Variants in CLSTN2 observed in about 807,000 individuals in gnomAD.
CLSTN2 encodes the protein calsyntenin-2.
CLSTN2 carries 48 observed loss-of-function variants against 101.2 expected under a neutral mutation model. The ratio of observed to expected loss-of-function variants is 0.47; its 90% CI spans 0.38 to 0.60. The LOEUF (loss-of-function observed/expected upper bound fraction) is 0.60. Ranked by LOEUF, CLSTN2 falls within the 20% of genes least tolerant of loss-of-function variation. CLSTN2 has a pLI of 0.00. For missense variants in CLSTN2, 1,160 were observed against 1,238.2 expected (o/e 0.94, Z 0.95); for synonymous variants, 481 against 463.6 (o/e 1.04, Z -0.48).
chr3:140,548,529 A>G (rs1935647040), intron 10 of CLSTN2, among the ~76,000 whole-genome samples: 1 of 152,152 alleles, frequency 6.6e-6, no homozygotes. Flanking sequence ...ATGAGGCCTG[A>G]GTAGAATGTT....
At chr3:140,064,152 A>G (rs954804046) in intron 1 of CLSTN2, among the ~76,000 whole-genome samples, 1 of 152,212 alleles carries the variant, frequency 6.6e-6, no homozygotes, top group African/African-American at 2.4e-5. Flanking sequence ...CATTATAAGG[A>G]TGGCTTCCAG....
At chr3:139,985,535 G>T (rs2012477) in intron 1 of CLSTN2, among the ~76,000 whole-genome samples, 49,850 of 151,938 alleles carry the variant, frequency 0.33, 10,105 homozygotes, top group Non-Finnish European at 0.46. Context: ...CTCTGACATT[G>T]TTTGCAGAAT....
intron 4 of CLSTN2, among the ~76,000 whole-genome samples, chr3:140,410,754 T>C (rs1251000444): frequency 6.6e-6 from 1 of 152,160 alleles, no homozygotes; most frequent in East Asian, 1.9e-4. Flanking sequence ...AAATGACTTG[T>C]TAATGTATGT....
At chr3:140,028,903 C>T (rs181572130) in intron 1 of CLSTN2, among the ~76,000 whole-genome samples, 1 of 152,306 alleles carries the variant, frequency 6.6e-6, no homozygotes, top group Admixed American at 6.5e-5. Context: ...CACACCTCCA[C>T]TGCTGGTGCC....
At chr3:140,014,854 T>G (rs1393782107) in intron 1 of CLSTN2, among the ~76,000 whole-genome samples, 3 of 152,092 alleles carry the variant, frequency 2.0e-5, no homozygotes, top group Non-Finnish European at 4.4e-5. Flanking sequence ...TGGGAGTGAT[T>G]GTAGGATTTT....
chr3:140,080,278 G>A (rs1425669622), intron 1 of CLSTN2, among the ~76,000 whole-genome samples: 1 of 152,154 alleles, frequency 6.6e-6, no homozygotes, highest in Admixed American at 6.5e-5. Context: ...ATTGCAGTGT[G>A]CTTATCTGTT....
chr3:140,227,413 A>C (rs115896370), intron 2 of CLSTN2, among the ~76,000 whole-genome samples: 6,246 of 152,272 alleles, frequency 0.041, 393 homozygotes, highest in African/African-American at 0.14. Flanking sequence ...TGGTCTTGAA[A>C]AGCTACATTA....
intron 1 of CLSTN2, among the ~76,000 whole-genome samples, chr3:140,108,731 AT>A (rs2009103729): frequency 6.6e-6 from 1 of 152,062 alleles, no homozygotes; most frequent in Admixed American, 6.6e-5. Flanking sequence ...GTTTTGTTGT[AT>A]TTTGAAGCCC....
At chr3:140,357,388 C>G (rs1257630755) in intron 2 of CLSTN2, among the ~76,000 whole-genome samples, 1 of 152,060 alleles carries the variant, frequency 6.6e-6, no homozygotes, top group Non-Finnish European at 1.5e-5. Context: ...AGCCCCTGGG[C>G]CAACAACATC....
At chr3:140,132,582 C>A (rs1163903051) in intron 1 of CLSTN2, among the ~76,000 whole-genome samples, 2 of 152,108 alleles carry the variant, frequency 1.3e-5, no homozygotes, top group African/African-American at 2.4e-5. Flanking sequence ...AGTTTTCTGC[C>A]TGAAAGTTGA....
chr3:140,275,158 C>T (rs1394892069), intron 2 of CLSTN2, among the ~76,000 whole-genome samples: 1 of 152,196 alleles, frequency 6.6e-6, no homozygotes, highest in Non-Finnish European at 1.5e-5. Flanking sequence ...TGCCAGATAT[C>T]CCCTGCAGGA....
At chr3:139,936,935 CG>C (rs1935032751) in intron 1 of CLSTN2, among the ~76,000 whole-genome samples, 1 of 151,902 alleles carries the variant, frequency 6.6e-6, no homozygotes, top group African/African-American at 2.4e-5. Context: ...GAGAAAAACT[CG>C]TTATGAAAAT....
chr3:140,127,849 CTA>C (rs1387996966), intron 1 of CLSTN2, among the ~76,000 whole-genome samples: 1 of 152,078 alleles, frequency 6.6e-6, no homozygotes, highest in Non-Finnish European at 1.5e-5. Context: ...TATTTTTCTC[CTA>C]TGTTATTTAT....
chr3:140,517,867 G>C (rs1164166767), intron 8 of CLSTN2, among the ~76,000 whole-genome samples: 1 of 152,148 alleles, frequency 6.6e-6, no homozygotes, highest in Non-Finnish European at 1.5e-5. Context: ...TCAGGTGGTG[G>C]GTGAGGCCAT....
intron 2 of CLSTN2, among the ~76,000 whole-genome samples, chr3:140,242,665 A>G (rs1405456526): frequency 6.6e-6 from 1 of 152,224 alleles, no homozygotes; most frequent in Non-Finnish European, 1.5e-5. Context: ...GCACTTACCC[A>G]AAGCGAGAGC....
intron 10 of CLSTN2, among the ~76,000 whole-genome samples, chr3:140,547,861 C>T (rs1183914369): frequency 2.6e-5 from 4 of 152,214 alleles, no homozygotes; most frequent in African/African-American, 9.6e-5. Flanking sequence ...TTGGAACAGA[C>T]CAGCCTGTGC....
chr3:140,240,615 G>A (rs913069482), intron 2 of CLSTN2, among the ~76,000 whole-genome samples: 7 of 152,070 alleles, frequency 4.6e-5, no homozygotes, highest in East Asian at 1.9e-4. Flanking sequence ...CAGATGGATA[G>A]CACTCTTACT....
intron 2 of CLSTN2, among the ~76,000 whole-genome samples, chr3:140,393,647 T>G (rs1478907612): frequency 6.6e-6 from 1 of 152,174 alleles, no homozygotes; most frequent in Non-Finnish European, 1.5e-5. Context: ...ATTATTTTCC[T>G]AAAGGACAAG....
At chr3:140,300,764 G>C (rs1390297637) in intron 2 of CLSTN2, among the ~76,000 whole-genome samples, 3 of 152,058 alleles carry the variant, frequency 2.0e-5, no homozygotes, top group Non-Finnish European at 4.4e-5. Context: ...AGTAGATCTG[G>C]ATTAGTCAGG....
Sources: gnomAD v4.1 joint callset for allele counts (sites outside exome capture counted in the v4.1 genomes callset) on GRCh38, gnomAD v4.1.1 for gene constraint, MANE v1.5 for transcripts, NCBI Gene and HGNC (gene_info 2026-07-23, HGNC 2026-07-21) for gene names.